KRABD5: variants seen among roughly 807,000 people sequenced by gnomAD.
The protein encoded by KRABD5 is KRAB domain-containing protein 5.
At chr16:31,748,064 C>T in the KRABD5 span, among the ~76,000 whole-genome samples, 1 of 152,022 alleles carries the variant, frequency 6.6e-6, no homozygotes, top group South Asian at 2.1e-4. Context: ...AAGTCCTCGC[C>T]CATGCCTATG....
chr16:31,713,283 C>G, the KRABD5 span: 1 of 1,081,812 alleles, frequency 9.2e-7, no homozygotes, highest in South Asian at 1.4e-5. Flanking sequence ...AGTAAGAGCT[C>G]AGTCTCTTCA....
At chr16:31,754,862 A>G in the KRABD5 span, 3 of 467,216 alleles carry the variant, frequency 6.4e-6, no homozygotes, top group South Asian at 4.7e-5. Flanking sequence ...AATAATTCAT[A>G]CTGGAGAGAA....
chr16:31,755,155 C>A, the KRABD5 span: 1 of 486,108 alleles, frequency 2.1e-6, no homozygotes. Context: ...GCAGCAAAGC[C>A]TTTAACTGTA....
At chr16:31,723,185 T>C in the KRABD5 span, 4 of 1,489,894 alleles carry the variant, frequency 2.7e-6, no homozygotes, top group East Asian at 2.4e-5. Flanking sequence ...GTTCCCTCTT[T>C]ACTGAGTATC....
the KRABD5 span, chr16:31,761,094 A>G: frequency 6.6e-6 from 1 of 152,288 alleles, no homozygotes; most frequent in South Asian, 2.1e-4. Flanking sequence ...TTAATAGACT[A>G]GTTACTTGAC....
At chr16:31,753,672 G>A in the KRABD5 span, 1 of 1,206,364 alleles carries the variant, frequency 8.3e-7, no homozygotes, top group Admixed American at 3.0e-5. Flanking sequence ...CTATCATGGT[G>A]TTCTCAACGT....
the KRABD5 span, chr16:31,754,176 A>G: frequency 1.4e-6 from 1 of 690,348 alleles, no homozygotes; most frequent in East Asian, 2.7e-5. Context: ...AACTGGAGTA[A>G]ATGTTCAGTC....
At chr16:31,728,571 G>A in the KRABD5 span, among the ~76,000 whole-genome samples, 1 of 151,578 alleles carries the variant, frequency 6.6e-6, no homozygotes, top group Non-Finnish European at 1.5e-5. Context: ...GGAGTGTGTT[G>A]TTTAATATTT....
the KRABD5 span, chr16:31,761,383 G>A: frequency 6.6e-6 from 1 of 152,006 alleles, no homozygotes; most frequent in African/African-American, 2.4e-5. Flanking sequence ...GTATTTTGCT[G>A]TATTCATTCT....
At chr16:31,730,282 A>C in the KRABD5 span, among the ~76,000 whole-genome samples, 1 of 151,906 alleles carries the variant, frequency 6.6e-6, no homozygotes, top group Non-Finnish European at 1.5e-5. Flanking sequence ...TTTATTTCTA[A>C]AAGATGCTTT....
the KRABD5 span, among the ~76,000 whole-genome samples, chr16:31,736,257 T>C: frequency 1.3e-5 from 2 of 152,154 alleles, no homozygotes; most frequent in Non-Finnish European, 2.9e-5. Context: ...GGTCTATGTG[T>C]TTGCTTTAAT....
the KRABD5 span, among the ~76,000 whole-genome samples, chr16:31,719,326 T>A: frequency 3.9e-5 from 6 of 152,224 alleles, no homozygotes; most frequent in African/African-American, 1.4e-4. Flanking sequence ...TTCTCTTGAT[T>A]TGCTTTTTAA....
chr16:31,714,707 G>C, the KRABD5 span, among the ~76,000 whole-genome samples: 2 of 152,208 alleles, frequency 1.3e-5, no homozygotes, highest in Admixed American at 6.5e-5. Context: ...GCCCCCTTCA[G>C]GTGTCCCTGA....
chr16:31,754,636 T>C, the KRABD5 span: 1 of 464,970 alleles, frequency 2.2e-6, no homozygotes, highest in South Asian at 1.5e-5. Context: ...CCAAATGTAA[T>C]AAGTGTATAG....
the KRABD5 span, among the ~76,000 whole-genome samples, chr16:31,748,312 A>G: frequency 6.6e-6 from 1 of 152,106 alleles, no homozygotes; most frequent in African/African-American, 2.4e-5. Flanking sequence ...GATATGCGGC[A>G]TTATTTCTGA....
At chr16:31,713,607 C>T in the KRABD5 span, 2 of 958,016 alleles carry the variant, frequency 2.1e-6, no homozygotes, top group Non-Finnish European at 3.0e-6. Context: ...CGGGACCCCG[C>T]GCGTCCGGTC....
At chr16:31,726,645 C>T in the KRABD5 span, among the ~76,000 whole-genome samples, 1 of 152,136 alleles carries the variant, frequency 6.6e-6, no homozygotes, top group African/African-American at 2.4e-5. Context: ...CCTGTAATGT[C>T]AGCTGTTGAG....
chr16:31,757,636 T>C, the KRABD5 span: 2 of 152,328 alleles, frequency 1.3e-5, no homozygotes, highest in Non-Finnish European at 2.9e-5. Flanking sequence ...TACAAGGATA[T>C]GCATTAGCAA....
the KRABD5 span, chr16:31,714,233 A>G: frequency 2.5e-6 from 1 of 392,628 alleles, no homozygotes; most frequent in Non-Finnish European, 5.1e-6. Flanking sequence ...GAAATAATTA[A>G]ATGACATGTT....
Sources: allele counts gnomAD v4.1 joint callset (sites outside exome capture counted in the v4.1 genomes callset), GRCh38; gene constraint gnomAD v4.1.1; transcripts MANE v1.5; gene names NCBI Gene and HGNC (gene_info 2026-07-23, HGNC 2026-07-21).